Variants in DACH1 observed in about 807,000 individuals in gnomAD.
The protein encoded by DACH1 is dachshund homolog 1.
DACH1 carries 12 observed loss-of-function variants against 54.2 expected under a neutral mutation model. That is an observed-to-expected ratio of 0.22 (90% CI 0.14 to 0.36). The LOEUF (loss-of-function observed/expected upper bound fraction) is 0.36. Ranked by LOEUF, DACH1 falls within the 10% of genes least tolerant of loss-of-function variation. DACH1 has a pLI of 1.00. For synonymous variants in DACH1, 386 were observed against 366.2 expected, an observed-to-expected ratio of 1.05 and a Z score of -0.62; for missense variants, 805 against 929.8, an observed-to-expected ratio of 0.87 and a Z score of 1.75.
intron 1 of DACH1, among the ~76,000 whole-genome samples, chr13:71,732,668 T>A (rs1361145847): frequency 2.0e-5 from 3 of 152,008 alleles, no homozygotes; most frequent in Non-Finnish European, 4.4e-5. Flanking sequence ...AGGCCAAATC[T>A]TGCCTACCTT....
chr13:71,735,717 C>T (rs1484552931), intron 1 of DACH1, among the ~76,000 whole-genome samples: 1 of 151,832 alleles, frequency 6.6e-6, no homozygotes, highest in Admixed American at 6.6e-5. Context: ...TAAGATTCTT[C>T]ACCAAACATT....
intron 3 of DACH1, among the ~76,000 whole-genome samples, chr13:71,591,383 CT>C (rs1873699073): frequency 6.6e-6 from 1 of 152,062 alleles, no homozygotes; most frequent in Admixed American, 6.6e-5. Context: ...GGTTTCAGGA[CT>C]TCTTTATACA....
chr13:71,460,956 T>C (rs1471826541), intron 10 of DACH1, among the ~76,000 whole-genome samples: 2 of 152,062 alleles, frequency 1.3e-5, no homozygotes, highest in South Asian at 2.1e-4. Flanking sequence ...TTTTCTCTTA[T>C]CTATTACATT....
intron 6 of DACH1, among the ~76,000 whole-genome samples, chr13:71,498,577 G>T (rs1879638004): frequency 6.6e-6 from 1 of 151,748 alleles, no homozygotes; most frequent in South Asian, 2.1e-4. Context: ...TGCCAAAAGA[G>T]TGATTCAAAT....
chr13:71,455,880 T>C (rs566741874), intron 10 of DACH1, among the ~76,000 whole-genome samples: 10 of 152,250 alleles, frequency 6.6e-5, no homozygotes, highest in African/African-American at 2.4e-4. Flanking sequence ...TCATATTTTC[T>C]AAGGAAACAG....
chr13:71,666,891 G>C (rs929140350), intron 2 of DACH1, among the ~76,000 whole-genome samples: 2 of 152,058 alleles, frequency 1.3e-5, no homozygotes, highest in African/African-American at 4.8e-5. Context: ...CAGGAGAATT[G>C]CTTGAATCTG....
At chr13:71,635,007 C>G (rs965029766) in intron 2 of DACH1, among the ~76,000 whole-genome samples, 9 of 152,120 alleles carry the variant, frequency 5.9e-5, no homozygotes, top group African/African-American at 1.9e-4. Flanking sequence ...CTAACTAGGT[C>G]ATAGCACTAA....
At position 71,479,149 on chromosome 13, in the gene DACH1, A is replaced by T. The variant is rs1344592732; in HGVS notation, c.1870+20T>A. ...AATATTTTCTGTAAATATTTAACTT[A>T]TCTGGAAATTTGGAAATACCTCTAT... On this transcript the variant is annotated intron_variant, in intron 8 of 10. Coordinates refer to ENST00000613252, the MANE Select transcript of DACH1 (RefSeq NM_080759.6). 6 of 1,587,756 alleles carry T rather than the reference A, an allele frequency of 3.8e-6. No individual in the cohort carries two copies. The highest frequency in any genetic ancestry group is 2.7e-5 in the African/African-American group (2 of 73,686).
rs80222474 is a variant in DACH1 at position 71,596,279 on chromosome 13, T to C, written c.1127-23267A>G. On this transcript the variant is annotated intron_variant, in intron 3 of 10. Coordinates refer to ENST00000613252, the MANE Select transcript of DACH1 (RefSeq NM_080759.6). ...TTCTTATTCATTAACTGTTTATTCA[T>C]TTAACTCATTTACTGAGTAACCACT... Among the ~76,000 whole-genome samples the C allele has an allele frequency of 2.7e-4, 41 of 152,286 alleles. 1 individual carries two copies. The East Asian group carries it at 4.1e-3, about 15-fold the overall frequency.
intron 1 of DACH1, among the ~76,000 whole-genome samples, chr13:71,735,080 G>A (rs547512342): frequency 6.0e-5 from 9 of 149,592 alleles, no homozygotes; most frequent in African/African-American, 2.0e-4. Context: ...TGGGATATAC[G>A]TATATGGGTT....
intron 1 of DACH1, among the ~76,000 whole-genome samples, chr13:71,806,125 G>A (rs1887491081): frequency 6.6e-6 from 1 of 152,016 alleles, no homozygotes; most frequent in African/African-American, 2.4e-5. Context: ...TATAATTTTT[G>A]TATTATTTTC....
chr13:71,651,693 T>A (rs1878693040), intron 2 of DACH1, among the ~76,000 whole-genome samples: 1 of 126,836 alleles, frequency 7.9e-6, no homozygotes, highest in Non-Finnish European at 1.8e-5. Context: ...TATATGTATA[T>A]GTATATGTAT....
intron 10 of DACH1, among the ~76,000 whole-genome samples, chr13:71,463,142 G>GTTAA (rs1876248696): frequency 6.6e-6 from 1 of 151,814 alleles, no homozygotes; most frequent in Admixed American, 6.6e-5. Flanking sequence ...CTGTATTAAT[G>GTTAA]TTAATTTTAC....
chr13:71,668,802 G>A (rs1033031239), intron 2 of DACH1, among the ~76,000 whole-genome samples: 6 of 151,992 alleles, frequency 3.9e-5, no homozygotes, highest in Admixed American at 1.3e-4. Flanking sequence ...ATGGGCGCCT[G>A]TAATCCCAGC....
chr13:71,748,910 T>TTC (rs1566476980), intron 1 of DACH1, among the ~76,000 whole-genome samples: 44 of 39,300 alleles, frequency 1.1e-3, no homozygotes, highest in African/African-American at 1.7e-3. Flanking sequence ...CTTTCTTTCT[T>TTC]TCTTTCTTTC....
At chr13:71,592,494 C>CAAAAAAAAAAAAAAAAAAAAAAAGA (rs1873794626) in intron 3 of DACH1, among the ~76,000 whole-genome samples, 3 of 32,776 alleles carry the variant, frequency 9.2e-5, no homozygotes, top group Non-Finnish European at 1.2e-4. Flanking sequence ...GACTCTATCT[C>CAAAAAAAAAAAAAAAAAAAAAAAGA]AAAAAAAAAA....
intron 6 of DACH1, among the ~76,000 whole-genome samples, chr13:71,538,705 A>G (rs1023405669): frequency 2.0e-5 from 3 of 152,106 alleles, no homozygotes; most frequent in Middle Eastern, 3.2e-3. Context: ...AGCATAGTAC[A>G]TTTAGTTTAA....
chr13:71,650,827 A>T (rs1057141588), intron 2 of DACH1, among the ~76,000 whole-genome samples: 4 of 152,198 alleles, frequency 2.6e-5, no homozygotes, highest in African/African-American at 9.6e-5. Context: ...AATTTGTAAG[A>T]ATTACTTGAT....
At chr13:71,749,519 C>G (rs1025579746) in intron 1 of DACH1, among the ~76,000 whole-genome samples, 1 of 152,082 alleles carries the variant, frequency 6.6e-6, no homozygotes, top group African/African-American at 2.4e-5. Context: ...AATCCCAGCT[C>G]TTAGCACAGT....
Sources: gnomAD v4.1 joint callset for allele counts (sites outside exome capture counted in the v4.1 genomes callset) on GRCh38, gnomAD v4.1.1 for gene constraint, MANE v1.5 for transcripts, NCBI Gene and HGNC (gene_info 2026-07-23, HGNC 2026-07-21) for gene names.